Variants in FBN3 observed in about 807,000 individuals in gnomAD.
FBN3 encodes the protein fibrillin-3.
Under a neutral mutation model 330.1 loss-of-function variants are expected in FBN3, and 234 were observed. The ratio of observed to expected loss-of-function variants is 0.71; its 90% CI spans 0.64 to 0.79. The LOEUF (loss-of-function observed/expected upper bound fraction) is 0.79, where lower values mean the gene tolerates loss of function less well. Among genes scored for constraint, FBN3 ranks in the 30% least tolerant of loss-of-function variants. The pLI is 0.00. For missense variants in FBN3, 3,606 were observed against 3,886.9 expected (o/e 0.93, Z 1.92); for synonymous variants, 1,458 against 1,517.3 (o/e 0.96, Z 0.91).
chr19:8,069,142 G>A (rs1035832960), intron 63 of FBN3, among the ~76,000 whole-genome samples: 2 of 152,178 alleles, frequency 1.3e-5, no homozygotes, highest in Non-Finnish European at 2.9e-5. Flanking sequence ...CTGGAGAGGA[G>A]AGCGTAAAGG....
rs201444959 is a variant in FBN3 at position 8,136,152 on chromosome 19, CAA to C, written c.1465+36_1465+37del. 8,354 of 1,613,336 alleles carry C rather than the reference CAA, an allele frequency of 5.2e-3. 327 individuals are homozygous for C. The African/African-American group carries it at 0.094, about 18-fold the overall frequency. ...CCCTCCAAGCCTGGGCCAGAACCCC[CAA>C]CAACATCACCCCTACTCTTGGATGG... On this transcript the variant is annotated intron_variant, in intron 12 of 63. Transcript: ENST00000600128.
chr19:8,113,805 G>A (rs2082644029), intron 30 of FBN3, among the ~76,000 whole-genome samples: 1 of 135,138 alleles, frequency 7.4e-6, no homozygotes, highest in South Asian at 2.3e-4. Flanking sequence ...AGGAGTTCAA[G>A]ACCAACCCGG....
intron 56 of FBN3, among the ~76,000 whole-genome samples, chr19:8,083,786 C>G (rs568832144): frequency 2.6e-4 from 40 of 151,082 alleles, no homozygotes; most frequent in African/African-American, 7.7e-4. Context: ...CCATTTCCTC[C>G]CCAGTCCTAC....
chr19:8,079,100 C>T (rs2081713248), intron 59 of FBN3, among the ~76,000 whole-genome samples: 1 of 152,062 alleles, frequency 6.6e-6, no homozygotes, highest in South Asian at 2.1e-4. Context: ...TTGACCTGAT[C>T]CCTCTCTTAA....
rs141406598 is a variant in FBN3, at chr19:8,091,579, A to G, written c.5917T>C (p.Cys1973Arg). 24 of 1,613,934 alleles carry G rather than the reference A, an allele frequency of 1.5e-5. No individual in the cohort carries two copies. Among genetic ancestry groups the G allele is most frequent in the Non-Finnish European group, 1.9e-5 (22 of 1,180,004 alleles). The change falls in exon 48 of 64, where the codon TGC (cysteine) becomes CGC (arginine). Residue 1973 changes from cysteine (C) to arginine (R), a missense_variant. Coordinates refer to ENST00000600128, the MANE Select transcript of FBN3 (RefSeq NM_032447.5). ...AGGCAGAGGTTGGGCTCCTCTGAGCACTCGTCGATATCTGGAAGGGCAGGG... is the reference window on the plus strand; with the variant it reads ...AGGCAGAGGTTGGGCTCCTCTGAGCGCTCGTCGATATCTGGAAGGGCAGGG... ...QSDHCIDIDE[C>R]SEEPNLCLFG...
At chr19:8,070,084 T>A (rs2081479771) in intron 63 of FBN3, among the ~76,000 whole-genome samples, 2 of 152,204 alleles carry the variant, frequency 1.3e-5, no homozygotes. Flanking sequence ...TTATGAAGTT[T>A]ACAGAAAATA....
In FBN3 at chr19:8,103,646, C is replaced by G. The variant is rs1458582886; in HGVS notation, c.4855G>C (p.Gly1619Arg). The change falls in exon 39 of 64, where the codon GGC becomes CGC. Residue 1619 changes from glycine to arginine, a missense_variant. Transcript: ENST00000600128. ...TTCCCCAGGGTGTTGTAGCAGGTGC[C>G]AGGGCCACAGATGCCGGAGTGTGTG... ...CSTHSGICGP[G>R]TCYNTLGNYT... 6.2e-6 allele frequency: 10 copies of G among 1,613,640 alleles called. No individual in the cohort carries two copies. Among genetic ancestry groups the G allele is most frequent in the Non-Finnish European group, 8.5e-6 (10 of 1,179,716 alleles).
Position 8,138,551 on chromosome 19 carries a change from G to A in FBN3, c.879C>T (p.Gly293=), listed in dbSNP as rs1024488616. ...CCCCGAAAAGCACTGAGAAGCAGGC[G>A]CCGGCCCGGTAGTCTGCAAAAGATC... ...SSAACEDYRA[G]ACFSVLFGGR... Residue 293 remains glycine, a synonymous_variant, in exon 9 of 64, where the codon GGC becomes GGT. Coordinates refer to ENST00000600128, the MANE Select transcript of FBN3 (RefSeq NM_032447.5). 3.1e-5 allele frequency: 50 copies of A among 1,609,042 alleles called. No homozygotes were observed. The highest frequency in any genetic ancestry group is 6.7e-5 in the African/African-American group (5 of 74,870).
Position 8,141,710 on chromosome 19 carries a change from C to A in FBN3, c.865+7G>T. 6.2e-7 allele frequency: 1 copy of A among 1,609,786 alleles called. No homozygotes were observed. Among genetic ancestry groups the A allele is most frequent in the South Asian group, 1.1e-5 (1 of 90,460 alleles). The stretch of plus-strand genomic sequence containing the variant: ...AGGTCTCAGGTTGTCCCCCTCCAGT[C>A]ACCCACCTTCACATGCGGCGCTGCT... On this transcript the variant is annotated splice_region_variant and intron_variant, in intron 8 of 63. Transcript: ENST00000600128.
At chr19:8,075,213 G>A in intron 60 of FBN3, 23 bp from the exon 61 acceptor site, 7 of 1,571,780 alleles carry the variant, frequency 4.5e-6, no homozygotes, top group Non-Finnish European at 6.1e-6. Flanking sequence ...GAGAGGGAGA[G>A]AGGGTTTACC....
At chr19:8,082,409 CCTTT>C (rs1175069121) in intron 57 of FBN3, among the ~76,000 whole-genome samples, 1 of 148,882 alleles carries the variant, frequency 6.7e-6, no homozygotes, top group Non-Finnish European at 1.5e-5. Context: ...CTCTTTCTCC[CCTTT>C]CTCTTTGTTT....
At chr19:8,071,592 G>A (rs2081512244) in intron 63 of FBN3, among the ~76,000 whole-genome samples, 1 of 151,988 alleles carries the variant, frequency 6.6e-6, no homozygotes, top group Admixed American at 6.6e-5. Context: ...CAGAGCTGTG[G>A]TACAAAGGCC....
At chr19:8,135,114 G>C (rs1031445991) in intron 13 of FBN3, among the ~76,000 whole-genome samples, 1 of 151,182 alleles carries the variant, frequency 6.6e-6, no homozygotes, top group African/African-American at 2.4e-5. Flanking sequence ...GAGTAGCTGG[G>C]ACTACAGGCA....
chr19:8,135,935 T>TTGGGGGGGGGGGGGGGGGGGCG, intron 13 of FBN3, 26 bp downstream of exon 13: 52 of 1,344,148 alleles, frequency 3.9e-5, no homozygotes, highest in Non-Finnish European at 4.6e-5. Context: ...CGGAAGCCCC[T>TTGGGGGGGGGGGGGGGGGGGCG]GCCCACCCGC....
At chr19:8,108,331 A>C in intron 36 of FBN3, 93 bp from the exon 37 acceptor site, 93 of 953,792 alleles carry the variant, frequency 9.8e-5, no homozygotes, top group Non-Finnish European at 1.4e-4. Context: ...AAAAGGGCTC[A>C]AGAGTGGGCT....
Position 8,079,750 on chromosome 19 carries a change from C to T in FBN3, c.7453+1253G>A, listed in dbSNP as rs527537068. 2.0e-4 allele frequency among the ~76,000 whole-genome samples: 31 copies of T among 152,200 alleles called. No homozygotes were observed. The South Asian group carries it at 3.1e-3, about 15-fold the overall frequency. On this transcript the variant is annotated intron_variant, in intron 59 of 63. Coordinates refer to ENST00000600128, the MANE Select transcript of FBN3 (RefSeq NM_032447.5). ...GGATTACAGGCGCCACCACCACACC[C>T]GGCTAATTTTTGTATTTTTAGTAGA...
chr19:8,135,935 T>TTGGGGGGCGC, intron 13 of FBN3, 26 bp downstream of exon 13: 1 of 1,344,156 alleles, frequency 7.4e-7, no homozygotes, highest in Non-Finnish European at 1.0e-6. Flanking sequence ...CGGAAGCCCC[T>TTGGGGGGCGC]GCCCACCCGC....
intron 26 of FBN3, among the ~76,000 whole-genome samples, chr19:8,118,666 C>T (rs1599384358): frequency 6.6e-6 from 1 of 152,164 alleles, no homozygotes; most frequent in Non-Finnish European, 1.5e-5. Flanking sequence ...GACACTCACA[C>T]ATGTGCGTGT....
chr19:8,142,996 G>A (rs958121455), intron 6 of FBN3, among the ~76,000 whole-genome samples: 2 of 151,262 alleles, frequency 1.3e-5, no homozygotes, highest in African/African-American at 4.9e-5. Context: ...TAGTCCCCGG[G>A]TCGTGCCCAT....
Sources: gnomAD v4.1 joint callset for allele counts (sites outside exome capture counted in the v4.1 genomes callset) on GRCh38, gnomAD v4.1.1 for gene constraint, MANE v1.5 for transcripts, NCBI Gene and HGNC (gene_info 2026-07-23, HGNC 2026-07-21) for gene names.